Variants in BRSK2 observed in about 807,000 individuals in gnomAD.
BRSK2 encodes the protein serine/threonine-protein kinase BRSK2.
Under a neutral mutation model 83.3 loss-of-function variants are expected in BRSK2, and 19 were observed. That is an observed-to-expected ratio of 0.23 (90% CI 0.16 to 0.33). The LOEUF (loss-of-function observed/expected upper bound fraction) is 0.33, where lower values mean the gene tolerates loss of function less well. BRSK2 is among the 10% of genes least tolerant of loss of function. The pLI is 1.00. For missense variants in BRSK2, 798 were observed against 1,042.3 expected, an observed-to-expected ratio of 0.77 and a Z score of 3.23; for synonymous variants, 519 against 435.4, an observed-to-expected ratio of 1.19 and a Z score of -2.39.
At chr11:1,453,593 C>T (rs1846075087) in intron 15 of BRSK2, among the ~76,000 whole-genome samples, 1 of 152,196 alleles carries the variant, frequency 6.6e-6, no homozygotes, top group Admixed American at 6.5e-5. Context: ...AGGGTTGGAC[C>T]TGGTCCCCGT....
Position 1,461,227 on chromosome 11 carries a change from C to A in BRSK2, c.*504C>A, listed in dbSNP as rs545323346. 4.5e-4 allele frequency: 275 copies of A among 616,680 alleles called. 1 individual carries two copies. In the African/African-American group the frequency reaches 4.6e-3, roughly 10 times the overall value. 38.2% of individuals were successfully genotyped at this position (616,680 alleles called of 1,614,324 possible). ...CACCTGACCCCTCAGCAAGAACAGCCTGCCTGGTGGCCTTCTGGGGCCAGG... is the reference window on the plus strand; with the variant it reads ...CACCTGACCCCTCAGCAAGAACAGCATGCCTGGTGGCCTTCTGGGGCCAGG... On this transcript the variant is annotated 3_prime_UTR_variant, in exon 20 of 20. Coordinates refer to ENST00000528841, the MANE Select transcript of BRSK2 (RefSeq NM_001256627.2).
intron 1 of BRSK2, among the ~76,000 whole-genome samples, chr11:1,415,033 C>T (rs1225573782): frequency 2.6e-5 from 4 of 151,750 alleles, no homozygotes; most frequent in South Asian, 4.1e-4. Context: ...TGAGTACCCA[C>T]GTGGGTCCCT....
chr11:1,392,760 C>T (rs1230941738), intron 1 of BRSK2, among the ~76,000 whole-genome samples: 1 of 152,226 alleles, frequency 6.6e-6, no homozygotes, highest in South Asian at 2.1e-4. Context: ...TGCCTTTCAG[C>T]GTGAGCGCTG....
At position 1,460,654 on chromosome 11, in the gene BRSK2, C is replaced by A; in HGVS notation, c.2142C>A (p.Asp714Glu). The change falls in exon 20 of 20, where the codon GAC becomes GAA. Residue 714 changes from aspartate to glutamate, a missense_variant. Physicochemically the swap from Asp to Glu is conservative, Grantham distance 45. Transcript: ENST00000528841. ...CCGCTGGCCCTGGCCCCGGAGGGGA[C>A]GCCGAGTACCCAACGGGCAAGGACA... is the stretch of plus-strand genomic sequence containing the variant. ...SAAAGPGPGG[D>E]AEYPTGKDTA... The A allele has an allele frequency of 6.5e-7, 1 of 1,527,926 alleles. No homozygotes were observed. The highest frequency in any genetic ancestry group is 1.4e-5 in the African/African-American group (1 of 72,448). The allele number at this position is 1,527,926 out of a possible 1,614,324, so 94.6% of individuals were successfully genotyped here.
chr11:1,424,563 C>T (rs1376015457), intron 1 of BRSK2, among the ~76,000 whole-genome samples: 4 of 152,194 alleles, frequency 2.6e-5, no homozygotes, highest in African/African-American at 9.6e-5. Flanking sequence ...GTCCAGGACC[C>T]TTCGCCAGGA....
At chr11:1,400,360 C>G (rs1229061714) in intron 1 of BRSK2, among the ~76,000 whole-genome samples, 2 of 152,240 alleles carry the variant, frequency 1.3e-5, no homozygotes, top group Admixed American at 1.3e-4. Flanking sequence ...GATGCTGACG[C>G]TGGTTGGGGG....
At position 1,445,958 on chromosome 11, in the gene BRSK2, C is replaced by T. The variant is rs372891764; in HGVS notation, c.1226+51C>T. On this transcript the variant is annotated intron_variant, in intron 12 of 19. Coordinates refer to ENST00000528841, the MANE Select transcript of BRSK2 (RefSeq NM_001256627.2). Reference sequence around the variant, plus strand: ...CCTCCCTCCCTGGGCCCTGGCTGCGCGGCACTGCCGCCTGGCTCATCGCTA... The same window carrying T: ...CCTCCCTCCCTGGGCCCTGGCTGCGTGGCACTGCCGCCTGGCTCATCGCTA... The T allele has an allele frequency of 1.5e-4, 227 of 1,544,734 alleles. 1 individual carries two copies. The highest frequency in any genetic ancestry group is 8.0e-4 in the Admixed American group (43 of 53,828).
At chr11:1,456,060 C>T (rs1407831553) in intron 16 of BRSK2, among the ~76,000 whole-genome samples, 1 of 152,208 alleles carries the variant, frequency 6.6e-6, no homozygotes, top group Non-Finnish European at 1.5e-5. Context: ...GCCCTTAAGG[C>T]TCCTCTGTAA....
At chr11:1,410,795 C>T (rs577556746) in intron 1 of BRSK2, 2 of 985,394 alleles carry the variant, frequency 2.0e-6, no homozygotes, top group African/African-American at 1.7e-5. Flanking sequence ...CACAGGTGGC[C>T]CCCCCGCCAC....
intron 19 of BRSK2, 92 bp downstream of exon 19, chr11:1,459,331 T>G: frequency 2.1e-6 from 3 of 1,444,108 alleles, no homozygotes; most frequent in Non-Finnish European, 2.9e-6. Flanking sequence ...GCCCGGGTTG[T>G]CCCGGCCTCC....
At chr11:1,447,814 A>G in intron 12 of BRSK2, 1 of 1,597,514 alleles carries the variant, frequency 6.3e-7, no homozygotes, top group East Asian at 2.2e-5. Context: ...AATGTTCAGT[A>G]AAAGCCTGGA....
At chr11:1,453,302 C>T (rs1490582731) in intron 15 of BRSK2, among the ~76,000 whole-genome samples, 1 of 152,246 alleles carries the variant, frequency 6.6e-6, no homozygotes, top group African/African-American at 2.4e-5. Flanking sequence ...GCATCTTTCA[C>T]ACATGGGACT....
intron 18 of BRSK2, among the ~76,000 whole-genome samples, chr11:1,457,829 C>T (rs998204222): frequency 6.6e-6 from 1 of 151,886 alleles, no homozygotes; most frequent in Non-Finnish European, 1.5e-5. Context: ...CACCTTGCTG[C>T]GGGCTGGGGG....
At chr11:1,441,078 C>A (rs1851169070) in intron 4 of BRSK2, 150 bp downstream of exon 4, 9 of 650,094 alleles carry the variant, frequency 1.4e-5, no homozygotes, top group Non-Finnish European at 2.3e-5. Flanking sequence ...CTCAAGTGCA[C>A]CATCTCCTCC....
chr11:1,461,078 G>C lies in BRSK2; in HGVS notation c.*355G>C. On this transcript the variant is annotated 3_prime_UTR_variant, in exon 20 of 20. Transcript: ENST00000528841. The stretch of plus-strand genomic sequence containing the variant: ...CCGCTCCTGCTGTTGCTGCCGGGCA[G>C]TGAGGCCCAGCCCAGCGCCCCGTCC... The C allele has an allele frequency of 6.4e-7, 1 of 1,572,652 alleles. No individual in the cohort carries two copies. The highest frequency in any genetic ancestry group is 8.7e-7 in the Non-Finnish European group (1 of 1,151,914).
Position 1,450,760 on chromosome 11 carries a change from G to A in BRSK2, c.1461G>A (p.Leu487=), listed in dbSNP as rs1397781213. 1 of 1,597,120 alleles carries A rather than the reference G, an allele frequency of 6.3e-7. No homozygotes were observed. The highest frequency in any genetic ancestry group is 8.5e-7 in the Non-Finnish European group (1 of 1,174,134). ...ARLNSIKNSF[L]GSPRFHRRKL... is the part of the protein sequence containing the mutation. ...TCAACTCCATCAAGAACAGCTTTCT[G>A]GGCTCACCCCGCTTCCACCGCCGGA... Residue 487 remains leucine (L), a synonymous_variant, in exon 14 of 20, where the codon CTG becomes CTA. Coordinates refer to ENST00000528841, the MANE Select transcript of BRSK2 (RefSeq NM_001256627.2).
At position 1,438,329 on chromosome 11, in the gene BRSK2, G is replaced by A. The variant is rs1246527844; in HGVS notation, c.210G>A (p.Leu70=). 8 of 1,613,984 alleles carry A rather than the reference G, an allele frequency of 5.0e-6. No homozygotes were observed. Among genetic ancestry groups the A allele is most frequent in the Non-Finnish European group, 6.8e-6 (8 of 1,179,984 alleles). ...LMKVEREIAI[L]KLIEHPHVLK... The stretch of plus-strand genomic sequence containing the variant: ...AGGTGGAGCGGGAGATCGCGATCCT[G>A]AAGCTCATTGAGCACCCCCACGTCC... Residue 70 remains leucine, a synonymous_variant, in exon 3 of 20, where the codon CTG becomes CTA. Coordinates refer to ENST00000528841, the MANE Select transcript of BRSK2 (RefSeq NM_001256627.2). The surrounding 1 kb of genome is among the most constrained non-coding windows in gnomAD (Gnocchi z 6.4).
At position 1,461,709 on chromosome 11, in the gene BRSK2, T is replaced by G. The variant is rs1334882197; in HGVS notation, c.*986T>G. 1.3e-5 allele frequency: 2 copies of G among 151,952 alleles called. No individual in the cohort carries two copies. The allele number at this position is 151,952 out of a possible 1,614,324, so 9.4% of individuals were successfully genotyped here. A position where few individuals can be genotyped will look rare whatever the true frequency, so the allele number is the denominator to read the frequency against. On this transcript the variant is annotated 3_prime_UTR_variant, in exon 20 of 20. Coordinates refer to ENST00000528841, the MANE Select transcript of BRSK2 (RefSeq NM_001256627.2). The stretch of plus-strand genomic sequence containing the variant: ...GGGGGGCTGGCGAGCTACTGTAAAC[T>G]TTAAAGAATTCCTGCAAGATATTTT...
At chr11:1,429,555 T>A (rs1487695558) in intron 1 of BRSK2, among the ~76,000 whole-genome samples, 5 of 112,498 alleles carry the variant, frequency 4.4e-5, no homozygotes, top group African/African-American at 1.8e-4. Flanking sequence ...TTCTGCGGTC[T>A]GGTCAGGTTT....
Sources: allele counts gnomAD v4.1 joint callset (sites outside exome capture counted in the v4.1 genomes callset), GRCh38; gene constraint gnomAD v4.1.1; non-coding constraint Gnocchi (gnomAD v3.1); transcripts MANE v1.5; gene names NCBI Gene and HGNC (gene_info 2026-07-23, HGNC 2026-07-21).